The following CCHCR1 variants were observed in gnomAD, a reference collection of about 807,000 sequenced individuals.
The protein encoded by CCHCR1 is coiled-coil alpha-helical rod protein 1.
In CCHCR1, 91 loss-of-function variants were observed where a neutral mutation model predicts 114.6. That is an observed-to-expected ratio of 0.79 (90% CI 0.67 to 0.94). CCHCR1 has a LOEUF of 0.94. Ranked by LOEUF, CCHCR1 falls within the 40% of genes least tolerant of loss-of-function variation. The probability of loss-of-function intolerance (pLI) is 0.00; values close to 1 mark genes in which losing one functional copy is unlikely to be tolerated. For synonymous variants in CCHCR1, 379 were observed against 428.5 expected, an observed-to-expected ratio of 0.88 and a Z score of 1.43; for missense variants, 899 against 1,079.9, an observed-to-expected ratio of 0.83 and a Z score of 2.35.
chr6:31,151,763 G>A lies in CCHCR1; in HGVS notation c.802-641C>T, dbSNP rs568010930. 1.5e-4 allele frequency among the ~76,000 whole-genome samples: 23 copies of A among 152,270 alleles called. No homozygotes were observed. Among genetic ancestry groups the A allele is most frequent in the African/African-American group, 5.5e-4 (23 of 41,554 alleles). ...TCTGTCGGACCACACTGGAAGGAAA[G>A]CTCCAGGAAAGGAGGAATTTTGTGT... On this transcript the variant is annotated intron_variant, in intron 4 of 17. Transcript: ENST00000396268. This position sits in a 1 kb window ranked among gnomAD's most constrained non-coding sequence, Gnocchi z 4.1.
intron 11 of CCHCR1, 61 bp downstream of exon 11, chr6:31,145,635 A>G (rs1774224356): frequency 6.8e-7 from 1 of 1,465,578 alleles, no homozygotes. Flanking sequence ...CTGGGTCAGG[A>G]AGAAGAAAGT....
Position 31,157,477 on chromosome 6 carries a change from G to A in CCHCR1, c.124C>T (p.Leu42Phe). 1 of 1,613,016 alleles carries A rather than the reference G, an allele frequency of 6.2e-7. No individual in the cohort carries two copies. The highest frequency in any genetic ancestry group is 8.5e-7 in the Non-Finnish European group (1 of 1,180,008). ...PSGLAEPWRE[L>F]WRWRSRPLHC... ...AGGGGTCTTGAGCGCCATCTCCAGA[G>A]TTCTCTCCATGGCTCAGCAAGGCCT... The change falls in exon 1 of 18, where the codon CTC becomes TTC. Residue 42 changes from leucine (L) to phenylalanine (F), a missense_variant. Coordinates refer to ENST00000396268, the MANE Select transcript of CCHCR1 (RefSeq NM_001105564.2).
At chr6:31,142,785 T>G in intron 17 of CCHCR1, 69 bp from the exon 18 acceptor site, 2 of 1,573,054 alleles carry the variant, frequency 1.3e-6, no homozygotes, top group Non-Finnish European at 1.7e-6. Context: ...GAAACAGGGC[T>G]GGCACAGGAA....
rs1775744323 is a variant in CCHCR1, at chr6:31,154,726, G to A, written c.571C>T (p.Arg191Trp). The change falls in exon 4 of 18, where the codon CGG becomes TGG. Residue 191 changes from arginine to tryptophan, a missense_variant. By Grantham distance (101) the Arg-to-Trp change is moderately radical. Coordinates refer to ENST00000396268, the MANE Select transcript of CCHCR1 (RefSeq NM_001105564.2). The surrounding 1 kb of genome is among the most constrained non-coding windows in gnomAD (Gnocchi z 4.1). ...EVIVRQLQEL[R>W]RLEEEVRLLR... ...AGCCGGACCTCCTCCTCCAGCCGCC[G>A]CAGCTCTTGCAGCTGCCGAACGATC... The A allele has an allele frequency of 8.1e-6, 13 of 1,607,700 alleles. No homozygotes were observed. Among genetic ancestry groups the A allele is most frequent in the South Asian group, 1.1e-5 (1 of 91,064 alleles).
rs148603238 is a variant in CCHCR1 at position 31,151,171 on chromosome 6, C to T, written c.802-49G>A. The T allele has an allele frequency of 1.7e-5, 27 of 1,566,794 alleles. No individual in the cohort carries two copies. In the East Asian group the frequency reaches 5.8e-4, roughly 34 times the overall value. ...GCAGAGGCTCGACCCCACATGGAGGCCTTCCTTGTTCCCTTCACTCCCACT... is the reference window on the plus strand; with the variant it reads ...GCAGAGGCTCGACCCCACATGGAGGTCTTCCTTGTTCCCTTCACTCCCACT... On this transcript the variant is annotated intron_variant, in intron 4 of 17. Transcript: ENST00000396268. The surrounding 1 kb of genome is among the most constrained non-coding windows in gnomAD (Gnocchi z 4.1).
intron 3 of CCHCR1, 111 bp downstream of exon 3, chr6:31,156,619 TA>T: frequency 2.3e-6 from 2 of 860,996 alleles, no homozygotes; most frequent in East Asian, 2.4e-5. Context: ...ATTGCTTACA[TA>T]AAAATGAGTA....
At position 31,145,235 on chromosome 6, in the gene CCHCR1, G is replaced by A. The variant is rs199923626; in HGVS notation, c.1807C>T (p.Arg603Cys). 1.5e-5 allele frequency: 24 copies of A among 1,613,588 alleles called. No individual in the cohort carries two copies. Among genetic ancestry groups the A allele is most frequent in the Admixed American group, 3.3e-5 (2 of 60,010 alleles). Residue 603 changes from arginine (R) to cysteine (C), a missense_variant, in exon 13 of 18, where the codon CGC becomes TGC. Transcript: ENST00000396268. ...ELQQLREERN[R>C]LDAELQLSAR... is the part of the protein sequence containing the mutation. ...CTCAGCTGCAGTTCTGCATCCAGGCGGTTCCGTTCTTCCCGCAACTGCTGC... is the reference window on the plus strand; with the variant it reads ...CTCAGCTGCAGTTCTGCATCCAGGCAGTTCCGTTCTTCCCGCAACTGCTGC...
chr6:31,152,281 C>CAAAAAA (rs9281230), intron 4 of CCHCR1, among the ~76,000 whole-genome samples: 1 of 124,096 alleles, frequency 8.1e-6, no homozygotes, highest in Non-Finnish European at 1.7e-5. Context: ...GACTCCATCT[C>CAAAAAA]AAAAAAAAAA....
Position 31,145,679 on chromosome 6 carries a change from G to A in CCHCR1, c.1693+17C>T, listed in dbSNP as rs746875574. ...GTGGGGTGGGGGCAGGACGTGGCTC[G>A]CAGTTGTCCTACGCACCCCGAATGG... On this transcript the variant is annotated intron_variant, in intron 11 of 17. Coordinates refer to ENST00000396268, the MANE Select transcript of CCHCR1 (RefSeq NM_001105564.2). 52 of 1,583,072 alleles carry A rather than the reference G, an allele frequency of 3.3e-5. No homozygotes were observed. Among genetic ancestry groups the A allele is most frequent in the South Asian group, 4.4e-5 (4 of 90,476 alleles).
chr6:31,145,187 C>A lies in CCHCR1; in HGVS notation c.1855G>T (p.Val619Leu), dbSNP rs1774143786. ...QLSARLIQQE[V>L]GRAREQGEAE... is the part of the protein sequence containing the mutation. ...GTACCTTGCTCCCGAGCCCGGCCCA[C>A]CTCCTGCTGGATGAGGCGGGCACTC... The change falls in exon 13 of 18, where the codon GTG becomes TTG. Residue 619 changes from valine to leucine, a missense_variant. Val to Leu is a conservative substitution (Grantham distance 32, BLOSUM62 1). Transcript: ENST00000396268. The A allele has an allele frequency of 6.2e-7, 1 of 1,613,110 alleles. No individual in the cohort carries two copies. Among genetic ancestry groups the A allele is most frequent in the Non-Finnish European group, 8.5e-7 (1 of 1,180,036 alleles).
chr6:31,146,856 G>C (rs1774410386), intron 10 of CCHCR1, among the ~76,000 whole-genome samples: 1 of 152,128 alleles, frequency 6.6e-6, no homozygotes, highest in Non-Finnish European at 1.5e-5. Context: ...GGAGGTAGGG[G>C]GCACCCGCGA....
rs953323129 is a variant in CCHCR1, at chr6:31,148,661, T to C, written c.1430A>G (p.Gln477Arg). Reference protein sequence around the residue: ...QEQAILQRSLQDKAAEVEVER... With the variant: ...QEQAILQRSLRDKAAEVEVER... ...CACCTCCACCTCTGCGGCTTTGTCC[T>C]GCAGGGATCGCTGCAGGATGGCCTG... Residue 477 changes from glutamine to arginine, a missense_variant, in exon 9 of 18, where the codon CAG becomes CGG. Gln to Arg is a conservative substitution (Grantham distance 43). Coordinates refer to ENST00000396268, the MANE Select transcript of CCHCR1 (RefSeq NM_001105564.2). 1 of 1,612,932 alleles carries C rather than the reference T, an allele frequency of 6.2e-7. No homozygotes were observed. Among genetic ancestry groups the C allele is most frequent in the Non-Finnish European group, 8.5e-7 (1 of 1,180,002 alleles).
In CCHCR1 at chr6:31,144,559, G is replaced by A. The variant is rs2150996869; in HGVS notation, c.2167+128C>T. On this transcript the variant is annotated intron_variant, in intron 15 of 17. Coordinates refer to ENST00000396268, the MANE Select transcript of CCHCR1 (RefSeq NM_001105564.2). This position sits in a 1 kb window ranked among gnomAD's most constrained non-coding sequence, Gnocchi z 4.6. Reference sequence around the variant, plus strand: ...GTTCACGATGTGATAATTCATCTGTGCTACTCCTGGATACCTTCATTACTT... The same window carrying A: ...GTTCACGATGTGATAATTCATCTGTACTACTCCTGGATACCTTCATTACTT... 3.0e-6 allele frequency: 2 copies of A among 674,870 alleles called. No individual in the cohort carries two copies. Among genetic ancestry groups the A allele is most frequent in the Middle Eastern group, 3.2e-4 (1 of 3,130 alleles). The allele number at this position is 674,870 out of a possible 1,614,324, so 41.8% of individuals were successfully genotyped here. A position where few individuals can be genotyped will look rare whatever the true frequency, so the allele number is the denominator to read the frequency against.
At chr6:31,157,194 G>C in intron 1 of CCHCR1, 105 bp from the exon 2 acceptor site, 1 of 1,081,772 alleles carries the variant, frequency 9.2e-7, no homozygotes, top group South Asian at 1.3e-5. Context: ...TTATAGCCAG[G>C]TCCACCCGAT....
Position 31,154,443 on chromosome 6 carries a change from C to G in CCHCR1, c.801+53G>C. The G allele has an allele frequency of 3.5e-6, 5 of 1,439,878 alleles. No homozygotes were observed. Among genetic ancestry groups the G allele is most frequent in the South Asian group, 1.2e-5 (1 of 82,700 alleles). 89.2% of individuals were successfully genotyped at this position (1,439,878 alleles called of 1,614,324 possible). ...GCAATACCTGTTCTTTGCTTGGAAGCTACTGCCCAGCTCTCCGTTATGAAT... is the reference window on the plus strand; with the variant it reads ...GCAATACCTGTTCTTTGCTTGGAAGGTACTGCCCAGCTCTCCGTTATGAAT... On this transcript the variant is annotated intron_variant, in intron 4 of 17. Coordinates refer to ENST00000396268, the MANE Select transcript of CCHCR1 (RefSeq NM_001105564.2). The surrounding 1 kb of genome is among the most constrained non-coding windows in gnomAD (Gnocchi z 4.1).
chr6:31,145,125 G>A lies in CCHCR1; in HGVS notation c.1876+41C>T, dbSNP rs184553289. On this transcript the variant is annotated intron_variant, in intron 13 of 17. Transcript: ENST00000396268. ...CCTCTCCCAGCACCCTAGACACCGG[G>A]TTTTTCCTCATCCTCTCCACCCCCT... is the stretch of plus-strand genomic sequence containing the variant. The A allele has an allele frequency of 5.7e-5, 91 of 1,607,184 alleles. No homozygotes were observed. The East Asian group carries it at 1.7e-3, about 31-fold the overall frequency.
rs116213430 is a variant in CCHCR1, at chr6:31,156,593, T to C, written c.497+138A>G. On this transcript the variant is annotated intron_variant, in intron 3 of 17. Transcript: ENST00000396268. ...ACTTAGCACACTGCTTTATTATTTA[T>C]GCACTGTAGGAACTAATTGCTTACA... 6.3e-3 allele frequency: 4,164 copies of C among 664,214 alleles called. 37 individuals carry two copies. The highest frequency in any genetic ancestry group is 0.026 in the Middle Eastern group (65 of 2,488). 41.1% of individuals were successfully genotyped at this position (664,214 alleles called of 1,614,324 possible).
intron 10 of CCHCR1, among the ~76,000 whole-genome samples, chr6:31,147,399 CAAAA>C (rs9278998): frequency 2.4e-5 from 3 of 126,962 alleles, no homozygotes; most frequent in African/African-American, 6.2e-5. Flanking sequence ...GACTCTGTCT[CAAAA>C]AAAAAAAAAA....
chr6:31,145,561 A>G, intron 11 of CCHCR1, 68 bp from the exon 12 acceptor site: 1 of 1,527,062 alleles, frequency 6.5e-7, no homozygotes, highest in Non-Finnish European at 9.1e-7. Flanking sequence ...ACAGGGAGTA[A>G]GGGAAAAAGA....
Sources: allele counts gnomAD v4.1 joint callset (sites outside exome capture counted in the v4.1 genomes callset), GRCh38; gene constraint gnomAD v4.1.1; non-coding constraint Gnocchi (gnomAD v3.1); transcripts MANE v1.5; gene names NCBI Gene and HGNC (gene_info 2026-07-23, HGNC 2026-07-21).